Variants in COBL observed in about 807,000 individuals in gnomAD.
COBL encodes protein cordon-bleu.
In COBL, 51 loss-of-function variants were observed where a neutral mutation model predicts 98.8. The ratio of observed to expected loss-of-function variants is 0.52; its 90% confidence interval spans 0.41 to 0.65. The LOEUF (loss-of-function observed/expected upper bound fraction) is 0.65. COBL is among the 30% of genes least tolerant of loss of function. The pLI, the probability that COBL is intolerant of heterozygous loss-of-function variation, is 0.00. For missense variants in COBL, 1,617 were observed against 1,617.5 expected, an observed-to-expected ratio of 1.00 and a Z score of 0.01; for synonymous variants, 634 against 651.7, an observed-to-expected ratio of 0.97 and a Z score of 0.41.
In COBL at chr7:51,065,200, T is replaced by G. The variant is rs746565964; in HGVS notation, c.1096+19966A>C. ...AGAGGTAGGTAAGACACAAGATGGG[T>G]TGTGTGTGTGTGCGTGTGTGTGTCT... On this transcript the variant is annotated intron_variant, in intron 7 of 12. Transcript: ENST00000265136. The G allele has an allele frequency of 5.7e-6, 4 of 702,836 alleles. No individual in the cohort carries two copies. In the South Asian group the frequency reaches 5.9e-5, roughly 10 times the overall value. 43.5% of individuals were successfully genotyped at this position (702,836 alleles called of 1,614,324 possible).
At chr7:51,072,039 TATTAATACCAATGTAA>T (rs1389196371) in intron 7 of COBL, 1 of 152,234 alleles carries the variant, frequency 6.6e-6, no homozygotes, top group Non-Finnish European at 1.5e-5. Flanking sequence ...ATTTGTTTAT[TATTAATACCAATGTAA>T]GTTGTGATAA....
At chr7:51,133,880 G>T (rs768188256) in intron 6 of COBL, among the ~76,000 whole-genome samples, 5 of 152,190 alleles carry the variant, frequency 3.3e-5, no homozygotes, top group Non-Finnish European at 5.9e-5. Context: ...AGATGAACTG[G>T]AGGATGGCTA....
At chr7:51,307,085 C>T (rs1227861315) in intron 1 of COBL, among the ~76,000 whole-genome samples, 2 of 152,096 alleles carry the variant, frequency 1.3e-5, no homozygotes, top group East Asian at 3.9e-4. Flanking sequence ...TGGCTCAGGC[C>T]CATAATCCGA....
chr7:51,207,279 A>T (rs1044772272), intron 2 of COBL, among the ~76,000 whole-genome samples: 4 of 151,904 alleles, frequency 2.6e-5, no homozygotes, highest in African/African-American at 9.7e-5. Flanking sequence ...GGAAACTGAC[A>T]TAAAAGTACA....
At chr7:51,246,599 A>G in intron 1 of COBL, among the ~76,000 whole-genome samples, 1 of 152,244 alleles carries the variant, frequency 6.6e-6, no homozygotes, top group East Asian at 1.9e-4. Flanking sequence ...AGCACAGGCC[A>G]TGCTATTAGA....
chr7:51,105,610 G>T (rs1383041039), intron 6 of COBL, among the ~76,000 whole-genome samples: 1 of 152,046 alleles, frequency 6.6e-6, no homozygotes, highest in Non-Finnish European at 1.5e-5. Flanking sequence ...AATTAGCTGG[G>T]TGTGGTGACA....
chr7:51,303,198 A>C (rs1355729798), intron 1 of COBL, among the ~76,000 whole-genome samples: 2 of 152,206 alleles, frequency 1.3e-5, no homozygotes, highest in Non-Finnish European at 2.9e-5. Flanking sequence ...CAAATGCTTT[A>C]TACCCTTTTA....
chr7:51,097,150 G>C (rs181170048), intron 6 of COBL, among the ~76,000 whole-genome samples: 1 of 152,008 alleles, frequency 6.6e-6, no homozygotes, highest in Non-Finnish European at 1.5e-5. Context: ...ACAATCACAC[G>C]GGATTTATTC....
chr7:51,298,784 A>G (rs541712331), intron 1 of COBL, among the ~76,000 whole-genome samples: 3 of 152,226 alleles, frequency 2.0e-5, no homozygotes, highest in Non-Finnish European at 4.4e-5. Context: ...AATAACAACA[A>G]CTGCACCACT....
intron 6 of COBL, among the ~76,000 whole-genome samples, chr7:51,126,763 T>C (rs1427435603): frequency 6.6e-6 from 1 of 152,162 alleles, no homozygotes. Context: ...GGAACCACTC[T>C]GGACCCTAAT....
At chr7:51,185,451 T>C (rs893608577) in intron 4 of COBL, among the ~76,000 whole-genome samples, 13 of 152,184 alleles carry the variant, frequency 8.5e-5, no homozygotes, top group South Asian at 2.1e-4. Context: ...AGCAGCTTCA[T>C]CTGCAGGTTG....
chr7:51,284,625 G>A lies in COBL; in HGVS notation c.41+31968C>T, dbSNP rs189288797. Among the ~76,000 whole-genome samples, 1,151 of 151,714 alleles carry A rather than the reference G, an allele frequency of 7.6e-3. 16 individuals carry two copies. The highest frequency in any genetic ancestry group is 0.027 in the African/African-American group (1,116 of 41,406). ...AGGTGGATCATGAGGTCAGGAGTTC[G>A]AGACCAGCCTGGCCAACATAGTGAA... is the stretch of plus-strand genomic sequence containing the variant. On this transcript the variant is annotated intron_variant, in intron 1 of 12. Transcript: ENST00000265136.
chr7:51,197,791 G>A (rs537897226), intron 2 of COBL, among the ~76,000 whole-genome samples: 8 of 151,780 alleles, frequency 5.3e-5, no homozygotes, highest in South Asian at 2.1e-4. Flanking sequence ...TTTTTTTATC[G>A]TTGTTGATTT....
intron 5 of COBL, among the ~76,000 whole-genome samples, chr7:51,159,452 G>C (rs1032802544): frequency 4.6e-5 from 7 of 152,266 alleles, no homozygotes; most frequent in African/African-American, 1.7e-4. Context: ...GAGGGACAGA[G>C]AGCTCTGCTT....
intron 1 of COBL, among the ~76,000 whole-genome samples, chr7:51,298,675 T>C (rs1159968699): frequency 2.0e-5 from 3 of 152,216 alleles, no homozygotes; most frequent in Non-Finnish European, 2.9e-5. Flanking sequence ...ACACAGATGT[T>C]GGGACTCCGA....
rs201212787 is a variant in COBL, at chr7:51,025,212, G to A, written c.3665C>T (p.Thr1222Met). ...GGTGCCCGTGCTGAACCTGGAGGCC[G>A]TCCTTGGTGCAGAGAGAGCCTGGGA... ...PPSQALSAPRTASRFSTGTLS... is the reference protein window; with the variant it reads ...PPSQALSAPRMASRFSTGTLS... The change falls in exon 12 of 13, where the codon ACG becomes ATG. Residue 1222 changes from threonine (T) to methionine (M), a missense_variant. This residue lies in a region of COBL where 1,304 missense variants were observed against 1,282.0 expected (regional missense o/e 1.02). Transcript: ENST00000265136. 40 of 1,599,912 alleles carry A rather than the reference G, an allele frequency of 2.5e-5. No individual in the cohort carries two copies. The highest frequency in any genetic ancestry group is 1.6e-4 in the African/African-American group (12 of 73,640).
chr7:51,187,021 G>A lies in COBL; in HGVS notation c.686-2822C>T, dbSNP rs566107683. 6.6e-5 allele frequency among the ~76,000 whole-genome samples: 10 copies of A among 152,224 alleles called. No homozygotes were observed. In the South Asian group the frequency reaches 8.3e-4, roughly 13 times the overall value. On this transcript the variant is annotated intron_variant, in intron 4 of 12. Transcript: ENST00000265136. ...TGTTTGAATTTACTCTAATTTACAC[G>A]TAATTAAATATTAAGAAAAGTGTGG...
At chr7:51,208,439 G>GC (rs1281114452) in intron 2 of COBL, among the ~76,000 whole-genome samples, 1 of 133,786 alleles carries the variant, frequency 7.5e-6, no homozygotes, top group Non-Finnish European at 1.7e-5. Context: ...AGGGAGGTGG[G>GC]GGGGGTCAGC....
intron 5 of COBL, among the ~76,000 whole-genome samples, chr7:51,138,649 C>T (rs1258291371): frequency 6.6e-6 from 1 of 152,206 alleles, no homozygotes; most frequent in Non-Finnish European, 1.5e-5. Flanking sequence ...AGTGACTGCA[C>T]ATGCACACAC....
Sources: gnomAD v4.1 joint callset for allele counts (sites outside exome capture counted in the v4.1 genomes callset) on GRCh38, gnomAD v4.1.1 for gene constraint, gnomAD v4.1.1 regional missense constraint, MANE v1.5 for transcripts, NCBI Gene and HGNC (gene_info 2026-07-23, HGNC 2026-07-21) for gene names.